The following PRIM2 variants were observed in gnomAD, a reference collection of about 807,000 sequenced individuals.
PRIM2 encodes the protein DNA primase large subunit.
A neutral mutation model predicts 67.3 loss-of-function variants in PRIM2; 39 were observed. The ratio of observed to expected loss-of-function variants is 0.58; its 90% CI spans 0.45 to 0.76. PRIM2 has a LOEUF of 0.76. PRIM2 is among the 30% of genes least tolerant of loss of function. The pLI is 0.00. For missense variants in PRIM2, 398 were observed against 598.7 expected (o/e 0.66, Z 3.50); for synonymous variants, 143 against 198.7 (o/e 0.72, Z 2.36).
In PRIM2 at chr6:57,575,456, T is replaced by TA. The variant is rs1445705708; in HGVS notation, c.1021-25636dup. Among the ~76,000 whole-genome samples, 499 of 152,322 alleles carry TA rather than the reference T, an allele frequency of 3.3e-3. 2 individuals are homozygous for TA. The highest frequency in any genetic ancestry group is 5.7e-3 in the Non-Finnish European group (388 of 68,036). ...CACATTGTAAATAGCTGAGAGGTGT[T>TA]ATGATTCAGTGAATGAGCTCTGCAT... On this transcript the variant is annotated intron_variant, in intron 10 of 13. Coordinates refer to ENST00000615550, the MANE Select transcript of PRIM2 (RefSeq NM_000947.5).
intron 7 of PRIM2, among the ~76,000 whole-genome samples, chr6:57,468,103 A>G (rs1773248359): frequency 2.0e-5 from 3 of 152,130 alleles, no homozygotes; most frequent in Admixed American, 6.5e-5. Flanking sequence ...CTCTCTTCCT[A>G]TTTGAATACC....
chr6:57,416,815 G>A (rs534716578), intron 7 of PRIM2, among the ~76,000 whole-genome samples: 1 of 152,252 alleles, frequency 6.6e-6, no homozygotes, highest in South Asian at 2.1e-4. Flanking sequence ...TTCTTCTGCA[G>A]CTTCCCCACC....
chr6:57,475,180 C>T (rs1231550989), intron 7 of PRIM2, among the ~76,000 whole-genome samples: 1 of 152,144 alleles, frequency 6.6e-6, no homozygotes, highest in Non-Finnish European at 1.5e-5. Flanking sequence ...TCCTCCCTTC[C>T]TCCTCCTACA....
At chr6:57,233,347 C>A in the PRIM2 span, among the ~76,000 whole-genome samples, 2 of 152,234 alleles carry the variant, frequency 1.3e-5, no homozygotes, top group East Asian at 1.9e-4. Context: ...ATGAGTGATA[C>A]AAAGATACAT....
intron 5 of PRIM2, among the ~76,000 whole-genome samples, chr6:57,368,104 T>G (rs62417969): frequency 6.6e-6 from 1 of 152,210 alleles, no homozygotes; most frequent in Non-Finnish European, 1.5e-5. Flanking sequence ...GTATTAAAAA[T>G]TATGATATTT....
rs187917857 is a variant in PRIM2, at chr6:57,432,243, A to G, written c.693+50075A>G. ...TTTTGGGGGGGGTTGGGTAAGTTAT[A>G]TAATTACTTTCATGAAAGGAATTTG... On this transcript the variant is annotated intron_variant, in intron 7 of 13. Transcript: ENST00000615550. Among the ~76,000 whole-genome samples, 93 of 152,298 alleles carry G rather than the reference A, an allele frequency of 6.1e-4. 3 individuals are homozygous for G. The highest frequency in any genetic ancestry group is 4.3e-3 in the South Asian group (21 of 4,828).
chr6:57,458,987 A>G (rs1377761061), intron 7 of PRIM2, among the ~76,000 whole-genome samples: 5 of 152,222 alleles, frequency 3.3e-5, no homozygotes, highest in Non-Finnish European at 7.3e-5. Flanking sequence ...GTTTAGTATG[A>G]ACAAAAAAAT....
intron 2 of PRIM2, among the ~76,000 whole-genome samples, chr6:57,318,936 G>A (rs1013894): frequency 0.35 from 53,783 of 152,052 alleles, 9,610 homozygotes; most frequent in East Asian, 0.51. Flanking sequence ...TATTTTAACT[G>A]CTCTAGTAGA....
At chr6:57,269,400 T>C in the PRIM2 span, among the ~76,000 whole-genome samples, 1 of 152,082 alleles carries the variant, frequency 6.6e-6, no homozygotes, top group South Asian at 2.1e-4. Context: ...ATGAGCATTT[T>C]TTCATGTGTT....
chr6:57,303,356 T>C, the PRIM2 span, among the ~76,000 whole-genome samples: 1 of 152,198 alleles, frequency 6.6e-6, no homozygotes. Flanking sequence ...CATATTTATT[T>C]ATATTTTAAA....
chr6:57,398,280 G>T (rs1201583297), intron 7 of PRIM2, among the ~76,000 whole-genome samples: 2 of 151,962 alleles, frequency 1.3e-5, no homozygotes, highest in Non-Finnish European at 2.9e-5. Flanking sequence ...TTTTTATGTG[G>T]CTATTTAGTG....
At chr6:57,476,767 A>T (rs1286580723) in intron 7 of PRIM2, among the ~76,000 whole-genome samples, 1 of 152,032 alleles carries the variant, frequency 6.6e-6, no homozygotes, top group African/African-American at 2.4e-5. Flanking sequence ...TTTATTTTTG[A>T]GATGGGGTTC....
At chr6:57,439,581 A>G (rs1772135292) in intron 7 of PRIM2, among the ~76,000 whole-genome samples, 1 of 151,446 alleles carries the variant, frequency 6.6e-6, no homozygotes, top group Non-Finnish European at 1.5e-5. Context: ...ACGCCCAGCT[A>G]CTTTTTGTAT....
chr6:57,367,849 C>T (rs1343022659), intron 5 of PRIM2, among the ~76,000 whole-genome samples: 2 of 152,170 alleles, frequency 1.3e-5, no homozygotes, highest in Non-Finnish European at 2.9e-5. Flanking sequence ...AAAAATAGGC[C>T]TGGGCCTGGC....
chr6:57,292,744 T>C, the PRIM2 span, among the ~76,000 whole-genome samples: 6 of 152,192 alleles, frequency 3.9e-5, no homozygotes, highest in Non-Finnish European at 7.4e-5. Flanking sequence ...GGGGAAAGGG[T>C]TCCCTATTTA....
chr6:57,525,695 A>G (rs1223871260), intron 8 of PRIM2, among the ~76,000 whole-genome samples: 6 of 152,348 alleles, frequency 3.9e-5, no homozygotes, highest in East Asian at 3.9e-4. Context: ...TTGCTCAAAA[A>G]TCTTTAATGC....
intron 5 of PRIM2, among the ~76,000 whole-genome samples, chr6:57,376,353 A>G (rs2127329331): frequency 6.6e-6 from 1 of 152,328 alleles, no homozygotes; most frequent in South Asian, 2.1e-4. Context: ...ATGTAGTGGT[A>G]TGTCATTGAG....
chr6:57,376,042 A>G (rs1177958561), intron 5 of PRIM2, among the ~76,000 whole-genome samples: 5 of 152,160 alleles, frequency 3.3e-5, no homozygotes, highest in Admixed American at 6.5e-5. Flanking sequence ...TCCCATCTCT[A>G]TAAGAAAAAA....
intron 9 of PRIM2, among the ~76,000 whole-genome samples, chr6:57,534,629 C>T (rs1774963099): frequency 1.3e-5 from 2 of 152,190 alleles, no homozygotes; most frequent in Admixed American, 1.3e-4. Context: ...TGAATCACAT[C>T]AGTCTTCTGG....
Sources: gnomAD v4.1 joint callset for allele counts (sites outside exome capture counted in the v4.1 genomes callset) on GRCh38, gnomAD v4.1.1 for gene constraint, MANE v1.5 for transcripts, NCBI Gene and HGNC (gene_info 2026-07-23, HGNC 2026-07-21) for gene names.